Variants in DNAH1 observed in about 807,000 individuals in gnomAD.
DNAH1 encodes axonemal beta dynein heavy chain 1.
DNAH1 carries 327 observed loss-of-function variants against 484.3 expected under a neutral mutation model. That is an observed-to-expected ratio of 0.68 (90% CI 0.62 to 0.74). DNAH1 has a LOEUF of 0.74. DNAH1 is among the 30% of genes least tolerant of loss of function. DNAH1 has a pLI of 0.00. For missense variants in DNAH1, 5,052 were observed against 5,546.8 expected (o/e 0.91, Z 2.83); for synonymous variants, 2,192 against 2,191.9 (o/e 1.00, Z 0.00).
At chr3:52,397,172 T>C in intron 73 of DNAH1, 128 bp downstream of exon 73, 1 of 916,722 alleles carries the variant, frequency 1.1e-6, no homozygotes. Context: ...TTTTCATCAG[T>C]CAATCCATCC....
At position 52,399,590 on chromosome 3, in the gene DNAH1, G is replaced by C; in HGVS notation, c.12487G>C (p.Gly4163Arg). ...PSELTQRPQV[G>R]CYIHGLFLEG... ...AGAGTTAACACAAAGACCCCAAGTA[G>C]GGTGCTATATCCATGGATTATTCCT... is the stretch of plus-strand genomic sequence containing the variant. Residue 4163 changes from glycine (G) to arginine (R), a missense_variant, in exon 77 of 78, where the codon GGG (glycine) becomes CGG (arginine). Physicochemically the swap from Gly to Arg is moderately radical, Grantham distance 125. This residue lies in a region of DNAH1 where 853 missense variants were observed against 899.0 expected (regional missense o/e 0.95). Coordinates refer to ENST00000420323, the MANE Select transcript of DNAH1 (RefSeq NM_015512.5). 1 of 1,613,870 alleles carries C rather than the reference G, an allele frequency of 6.2e-7. No homozygotes were observed. The highest frequency in any genetic ancestry group is 8.5e-7 in the Non-Finnish European group (1 of 1,179,796).
intron 66 of DNAH1, 66 bp downstream of exon 66, chr3:52,393,551 G>T: frequency 6.3e-7 from 1 of 1,590,546 alleles, no homozygotes; most frequent in Non-Finnish European, 8.6e-7. Flanking sequence ...CTGAGAACAG[G>T]GTGGAAGGAA....
At position 52,372,381 on chromosome 3, in the gene DNAH1, A is replaced by G. The variant is rs1339413350; in HGVS notation, c.6821A>G (p.Asp2274Gly). 6.2e-7 allele frequency: 1 copy of G among 1,613,674 alleles called. No homozygotes were observed. Among genetic ancestry groups the G allele is most frequent in the Non-Finnish European group, 8.5e-7 (1 of 1,179,858 alleles). ...CAGGACTTCATTGACAGCAAGCTGG[A>G]CAAGAGGCAGGGCACCCCTCCCTCC... ...QTQDFIDSKL[D>G]KRRKGVFGPP... The change falls in exon 43 of 78, where the codon GAC becomes GGC. Residue 2274 changes from aspartate to glycine, a missense_variant. Around this residue, in one of 4 missense-constraint regions of DNAH1, gnomAD observed 2,929 missense variants for 3,409.4 expected, o/e 0.86. Coordinates refer to ENST00000420323, the MANE Select transcript of DNAH1 (RefSeq NM_015512.5).
chr3:52,375,430 G>T lies in DNAH1; in HGVS notation c.7159+17G>T. ...ACTGGTTGGGTGAGTATTGGTGGGG[G>T]TGAGCATGGACAAAGGCAGAAGCCC... On this transcript the variant is annotated intron_variant, in intron 45 of 77. Coordinates refer to ENST00000420323, the MANE Select transcript of DNAH1 (RefSeq NM_015512.5). 5 of 1,608,164 alleles carry T rather than the reference G, an allele frequency of 3.1e-6. No homozygotes were observed. The highest frequency in any genetic ancestry group is 4.2e-6 in the Non-Finnish European group (5 of 1,177,922).
At chr3:52,341,279 C>G (rs769397756) in intron 8 of DNAH1, among the ~76,000 whole-genome samples, 1 of 152,156 alleles carries the variant, frequency 6.6e-6, no homozygotes, top group Non-Finnish European at 1.5e-5. Flanking sequence ...ATGACCACAA[C>G]AAAGGTTGTC....
At chr3:52,386,584 C>T in intron 55 of DNAH1, 78 bp from the exon 56 acceptor site, 4 of 1,445,690 alleles carry the variant, frequency 2.8e-6, no homozygotes, top group Non-Finnish European at 3.7e-6. Flanking sequence ...GTTGGTAGGG[C>T]CAACCTTTCT....
rs549701068 is a variant in DNAH1 at position 52,358,435 on chromosome 3, C to G, written c.4087-123C>G. The G allele has an allele frequency of 2.8e-6, 3 of 1,079,486 alleles. No homozygotes were observed. The highest frequency in any genetic ancestry group is 3.3e-5 in the South Asian group (2 of 60,784). The allele number at this position is 1,079,486 out of a possible 1,614,324, so 66.9% of individuals were successfully genotyped here. ...CAGCCAAGATAGACTCTCGGGGGGA[C>G]GGGAAGGCAGGGCTTTCTTCTTGAG... On this transcript the variant is annotated intron_variant, in intron 24 of 77. Transcript: ENST00000420323. This position sits in a 1 kb window ranked among gnomAD's most constrained non-coding sequence, Gnocchi z 4.2.
At chr3:52,391,078 C>G in intron 61 of DNAH1, 24 bp downstream of exon 61, 1 of 1,581,998 alleles carries the variant, frequency 6.3e-7, no homozygotes, top group South Asian at 1.2e-5. Flanking sequence ...CCAGGCACCA[C>G]CACCCCACCC....
Position 52,394,562 on chromosome 3 carries a change from T to C in DNAH1, c.10724T>C (p.Leu3575Pro). The change falls in exon 67 of 78, where the codon CTA (leucine) becomes CCA (proline). Residue 3575 changes from leucine to proline, a missense_variant. Around this residue, in one of 4 missense-constraint regions of DNAH1, gnomAD observed 853 missense variants for 899.0 expected, o/e 0.95. Coordinates refer to ENST00000420323, the MANE Select transcript of DNAH1 (RefSeq NM_015512.5). ...WLSDRAWRDI[L>P]ALSNLPTFSS... Reference sequence around the variant, plus strand: ...TCAGACCGGGCTTGGCGAGACATCCTAGCACTCTCGAACCTGCCAACCTTT... The same window carrying C: ...TCAGACCGGGCTTGGCGAGACATCCCAGCACTCTCGAACCTGCCAACCTTT... The C allele has an allele frequency of 6.2e-7, 1 of 1,613,678 alleles. No individual in the cohort carries two copies. The highest frequency in any genetic ancestry group is 8.5e-7 in the Non-Finnish European group (1 of 1,179,688).
chr3:52,380,030 G>A lies in DNAH1; in HGVS notation c.7503G>A (p.Glu2501=), dbSNP rs1231109115. 11 of 1,598,562 alleles carry A rather than the reference G, an allele frequency of 6.9e-6. No homozygotes were observed. The highest frequency in any genetic ancestry group is 3.5e-5 in the Admixed American group (2 of 57,864). ...TCAAGCGCTGCATGGAGCAGTGGGA[G>A]GTGACCTTCAACAAGGTCTGCCCCT... The part of the protein sequence containing the change: ...QLLKRCMEQW[E]VTFNKVCPFQ... Residue 2501 remains glutamate, a synonymous_variant, in exon 48 of 78, where the codon GAG becomes GAA. Transcript: ENST00000420323.
chr3:52,353,478 C>T lies in DNAH1; in HGVS notation c.3325C>T (p.Arg1109Trp), dbSNP rs368220708. The T allele has an allele frequency of 3.6e-5, 58 of 1,613,824 alleles. No homozygotes were observed. The highest frequency in any genetic ancestry group is 8.0e-5 in the African/African-American group (6 of 74,936). Residue 1109 changes from arginine to tryptophan, a missense_variant, in exon 20 of 78, where the codon CGG becomes TGG. Around this residue, in one of 4 missense-constraint regions of DNAH1, gnomAD observed 2,929 missense variants for 3,409.4 expected, o/e 0.86. Coordinates refer to ENST00000420323, the MANE Select transcript of DNAH1 (RefSeq NM_015512.5). The surrounding 1 kb of genome is among the most constrained non-coding windows in gnomAD (Gnocchi z 5.0). ...GCTGCGCAACCCTGGCATGCGGATC[C>T]GGCACTGGGAGACACTGTCCAACCA... ...QGLRNPGMRI[R>W]HWETLSNQIN... is the part of the protein sequence containing the mutation.
In DNAH1 at chr3:52,361,853, C is replaced by A; in HGVS notation, c.4980+87C>A. 1 of 1,372,352 alleles carries A rather than the reference C, an allele frequency of 7.3e-7. No individual in the cohort carries two copies. The allele number at this position is 1,372,352 out of a possible 1,614,324, so 85.0% of individuals were successfully genotyped here. ...CCCCATTGCAGGCTGAGAAGCCAGGCGCTAAGGTCCACCCTGGGTCCAGCC... is the reference window on the plus strand; with the variant it reads ...CCCCATTGCAGGCTGAGAAGCCAGGAGCTAAGGTCCACCCTGGGTCCAGCC... On this transcript the variant is annotated intron_variant, in intron 30 of 77. Coordinates refer to ENST00000420323, the MANE Select transcript of DNAH1 (RefSeq NM_015512.5). This position sits in a 1 kb window ranked among gnomAD's most constrained non-coding sequence, Gnocchi z 5.6.
chr3:52,383,688 CTGAGA>C, intron 51 of DNAH1, 94 bp downstream of exon 51: 1 of 1,431,556 alleles, frequency 7.0e-7, no homozygotes, highest in Non-Finnish European at 9.3e-7. Context: ...GCGCTGGGGC[CTGAGA>C]TGAGGAGACG....
intron 55 of DNAH1, 34 bp downstream of exon 55, chr3:52,386,379 C>A: frequency 6.5e-7 from 1 of 1,529,322 alleles, no homozygotes; most frequent in South Asian, 1.3e-5. Flanking sequence ...CATTCCCTCT[C>A]ATATGCCTCT....
Position 52,326,208 on chromosome 3 carries a change from C to T in DNAH1, c.475C>T (p.Arg159Trp), listed in dbSNP as rs561508479. Reference protein sequence around the residue: ...MEQQCIGSTTRLLAQTDFPLQ... With the variant: ...MEQQCIGSTTWLLAQTDFPLQ... ...GCAGCAGTGCATCGGGTCCACCACC[C>T]GGCTGCTCGCCCAGACTGACTTCCC... The change falls in exon 4 of 78, where the codon CGG becomes TGG. Residue 159 changes from arginine (R) to tryptophan (W), a missense_variant. Arg to Trp is a moderately radical substitution (Grantham distance 101). Transcript: ENST00000420323. The T allele has an allele frequency of 5.9e-5, 95 of 1,612,908 alleles. 1 individual carries two copies. Among genetic ancestry groups the T allele is most frequent in the East Asian group, 3.1e-4 (14 of 44,864 alleles).
intron 6 of DNAH1, 99 bp from the exon 7 acceptor site, chr3:52,331,049 G>C (rs1000915609): frequency 7.2e-7 from 1 of 1,391,004 alleles, no homozygotes; most frequent in Non-Finnish European, 9.6e-7. Context: ...CCAGACTGGT[G>C]ATCTCTGAGA....
chr3:52,399,122 A>G lies in DNAH1; in HGVS notation c.12362A>G (p.Gln4121Arg). ...TGGATCAGTGGATTCTTCTTCCCCC[A>G]GGCTTTCTTAACAGGCACTCTGCAG... ...VFWISGFFFP[Q>R]AFLTGTLQNF... The change falls in exon 76 of 78, where the codon CAG becomes CGG. Residue 4121 changes from glutamine to arginine, a missense_variant. Gln to Arg is a conservative substitution (Grantham distance 43). Coordinates refer to ENST00000420323, the MANE Select transcript of DNAH1 (RefSeq NM_015512.5). 2 of 1,614,044 alleles carry G rather than the reference A, an allele frequency of 1.2e-6. No individual in the cohort carries two copies. Among genetic ancestry groups the G allele is most frequent in the Non-Finnish European group, 8.5e-7 (1 of 1,179,896 alleles).
Position 52,386,381 on chromosome 3 carries a change from T to G in DNAH1, c.8811+36T>G, listed in dbSNP as rs370022319. ...GGGCATCTCCTGGCATTCCCTCTCA[T>G]ATGCCTCTGTCCTCAAGCCTTCCCT... is the stretch of plus-strand genomic sequence containing the variant. On this transcript the variant is annotated intron_variant, in intron 55 of 77. Coordinates refer to ENST00000420323, the MANE Select transcript of DNAH1 (RefSeq NM_015512.5). The G allele has an allele frequency of 2.0e-6, 3 of 1,526,300 alleles. No individual in the cohort carries two copies. In the East Asian group the frequency reaches 7.4e-5, roughly 37 times the overall value. 94.5% of individuals were successfully genotyped at this position (1,526,300 alleles called of 1,614,324 possible). A position where few individuals can be genotyped will look rare whatever the true frequency, so the allele number is the denominator to read the frequency against.
Position 52,361,695 on chromosome 3 carries a change from C to A in DNAH1, c.4909C>A (p.Arg1637Ser). 6.2e-7 allele frequency: 1 copy of A among 1,610,910 alleles called. No individual in the cohort carries two copies. Among genetic ancestry groups the A allele is most frequent in the Non-Finnish European group, 8.5e-7 (1 of 1,178,704 alleles). ...CTGGGCCTGCTTCGACGAGTTCAAT[C>A]GCATCGACATCGAGGTGCTGTCTGT... ...GAWACFDEFNRIDIEVLSVVA... is the reference protein window; with the variant it reads ...GAWACFDEFNSIDIEVLSVVA... Residue 1637 changes from arginine (R) to serine (S), a missense_variant, in exon 30 of 78, where the codon CGC becomes AGC. By Grantham distance (110) the Arg-to-Ser change is moderately radical. This residue lies in a region of DNAH1 where 2,929 missense variants were observed against 3,409.4 expected (regional missense o/e 0.86). Coordinates refer to ENST00000420323, the MANE Select transcript of DNAH1 (RefSeq NM_015512.5). This position sits in a 1 kb window ranked among gnomAD's most constrained non-coding sequence, Gnocchi z 5.6.
Sources: gnomAD v4.1 joint callset for allele counts (sites outside exome capture counted in the v4.1 genomes callset) on GRCh38, gnomAD v4.1.1 for gene constraint, gnomAD v4.1.1 regional missense constraint, Gnocchi (gnomAD v3.1) non-coding constraint, MANE v1.5 for transcripts, NCBI Gene and HGNC (gene_info 2026-07-23, HGNC 2026-07-21) for gene names.